GALNTL6: variants seen among roughly 807,000 people sequenced by gnomAD.
GALNTL6 encodes polypeptide N-acetylgalactosaminyltransferase like 6.
In GALNTL6, 46 loss-of-function variants were observed where a neutral mutation model predicts 73.7. The observed-to-expected ratio is 0.62, with a 90% CI of 0.49 to 0.80. The LOEUF is 0.80. Ranked by LOEUF, GALNTL6 falls within the 30% of genes least tolerant of loss-of-function variation. The pLI, the probability that GALNTL6 is intolerant of heterozygous loss-of-function variation, is 0.00. For synonymous variants in GALNTL6, 259 were observed against 263.7 expected, an observed-to-expected ratio of 0.98 and a Z score of 0.17; for missense variants, 604 against 755.0, an observed-to-expected ratio of 0.80 and a Z score of 2.34.
chr4:173,018,729 C>A (rs56301008), intron 11 of GALNTL6, among the ~76,000 whole-genome samples: 5,222 of 152,304 alleles, frequency 0.034, 154 homozygotes, highest in African/African-American at 0.079. Context: ...GAAGGAAATA[C>A]ACAGCCTGGT....
intron 8 of GALNTL6, among the ~76,000 whole-genome samples, chr4:172,911,854 T>C (rs1275611195): frequency 6.6e-6 from 1 of 152,240 alleles, no homozygotes; most frequent in Non-Finnish European, 1.5e-5. Context: ...ATTCCCTGTT[T>C]AATTTTATTT....
At chr4:172,820,481 A>G (rs971162512) in intron 7 of GALNTL6, among the ~76,000 whole-genome samples, 2 of 152,252 alleles carry the variant, frequency 1.3e-5, no homozygotes, top group African/African-American at 4.8e-5. Context: ...AATCAAAATC[A>G]GTAAAGCATG....
At chr4:172,006,007 A>G (rs1354095910) in intron 2 of GALNTL6, among the ~76,000 whole-genome samples, 1 of 152,292 alleles carries the variant, frequency 6.6e-6, no homozygotes, top group Non-Finnish European at 1.5e-5. Flanking sequence ...CTAGTATCAG[A>G]TCTTACATTT....
At chr4:172,893,842 C>T (rs576667689) in intron 8 of GALNTL6, among the ~76,000 whole-genome samples, 1 of 152,310 alleles carries the variant, frequency 6.6e-6, no homozygotes, top group South Asian at 2.1e-4. Context: ...GCAGTTCCCT[C>T]TGCCAATTCA....
At chr4:172,398,318 TAAG>T (rs1345810793) in intron 5 of GALNTL6, among the ~76,000 whole-genome samples, 5 of 152,184 alleles carry the variant, frequency 3.3e-5, no homozygotes, top group Non-Finnish European at 2.9e-5. Context: ...GCTGTCAAAA[TAAG>T]AAGATATGAG....
chr4:172,697,652 G>A (rs1186459584), intron 5 of GALNTL6, among the ~76,000 whole-genome samples: 2 of 152,104 alleles, frequency 1.3e-5, no homozygotes, highest in African/African-American at 2.4e-5. Context: ...TATTGCTCAG[G>A]CTTTCTACAA....
intron 5 of GALNTL6, among the ~76,000 whole-genome samples, chr4:172,477,872 T>C (rs1229255542): frequency 6.6e-6 from 1 of 151,960 alleles, no homozygotes; most frequent in African/African-American, 2.4e-5. Context: ...ATTGGAGAAA[T>C]AGAATATGCA....
chr4:171,963,499 G>T (rs931783728), intron 2 of GALNTL6, among the ~76,000 whole-genome samples: 2 of 152,090 alleles, frequency 1.3e-5, no homozygotes, highest in Non-Finnish European at 2.9e-5. Flanking sequence ...AAGAAATTAG[G>T]TTTAAAAAGT....
At chr4:172,280,544 A>G (rs1739007236) in intron 3 of GALNTL6, among the ~76,000 whole-genome samples, 4 of 151,924 alleles carry the variant, frequency 2.6e-5, no homozygotes, top group Admixed American at 1.3e-4. Flanking sequence ...TGAACCATCC[A>G]GAGTTCAAGA....
intron 5 of GALNTL6, among the ~76,000 whole-genome samples, chr4:172,358,631 T>C (rs558347779): frequency 6.6e-6 from 1 of 152,284 alleles, no homozygotes; most frequent in Non-Finnish European, 1.5e-5. Context: ...GATTGGATGC[T>C]CCTTGTCTGA....
intron 5 of GALNTL6, among the ~76,000 whole-genome samples, chr4:172,755,134 T>TA (rs1737673755): frequency 6.6e-6 from 1 of 152,256 alleles, no homozygotes; most frequent in East Asian, 1.9e-4. Context: ...TTGCAGATTC[T>TA]ACTACATCAT....
chr4:172,305,126 T>C (rs1258619783), intron 3 of GALNTL6, among the ~76,000 whole-genome samples: 1 of 152,098 alleles, frequency 6.6e-6, no homozygotes, highest in African/African-American at 2.4e-5. Flanking sequence ...CAGTGGTGCA[T>C]ATAGTAGACA....
chr4:171,820,852 A>T (rs1256994775), intron 2 of GALNTL6, among the ~76,000 whole-genome samples: 2 of 152,194 alleles, frequency 1.3e-5, no homozygotes, highest in Non-Finnish European at 2.9e-5. Flanking sequence ...ATAAGGGCTA[A>T]GAAGGCCAAT....
chr4:172,600,568 G>A (rs1430186068), intron 5 of GALNTL6, among the ~76,000 whole-genome samples: 2 of 152,142 alleles, frequency 1.3e-5, no homozygotes, highest in Non-Finnish European at 2.9e-5. Context: ...GATTTTGCCC[G>A]ATACTAAGCT....
At chr4:172,082,914 CT>C (rs1731922731) in intron 2 of GALNTL6, among the ~76,000 whole-genome samples, 1 of 151,958 alleles carries the variant, frequency 6.6e-6, no homozygotes, top group African/African-American at 2.4e-5. Context: ...TTTTGAGACC[CT>C]TAATCTCCTC....
chr4:172,662,099 C>T (rs534653610), intron 5 of GALNTL6, among the ~76,000 whole-genome samples: 1 of 152,068 alleles, frequency 6.6e-6, no homozygotes, highest in Non-Finnish European at 1.5e-5. Context: ...TTAATAAGAT[C>T]CCCAGATAAT....
chr4:172,648,560 G>T (rs1332234935), intron 5 of GALNTL6, among the ~76,000 whole-genome samples: 1 of 152,030 alleles, frequency 6.6e-6, no homozygotes, highest in Non-Finnish European at 1.5e-5. Flanking sequence ...CTCATAAATG[G>T]AAGAAACACG....
At chr4:172,224,099 TAACTC>T (rs569360705) in intron 2 of GALNTL6, among the ~76,000 whole-genome samples, 60 of 152,276 alleles carry the variant, frequency 3.9e-4, no homozygotes, top group East Asian at 1.2e-3. Context: ...GCAATGGAAA[TAACTC>T]AACTATCTAT....
At chr4:172,158,215 T>C (rs1380925829) in intron 2 of GALNTL6, among the ~76,000 whole-genome samples, 2 of 152,212 alleles carry the variant, frequency 1.3e-5, no homozygotes, top group African/African-American at 4.8e-5. Flanking sequence ...GATATATAAC[T>C]ATCAAATATT....
Sources: gnomAD v4.1 joint callset for allele counts (sites outside exome capture counted in the v4.1 genomes callset) on GRCh38, gnomAD v4.1.1 for gene constraint, MANE v1.5 for transcripts, NCBI Gene and HGNC (gene_info 2026-07-23, HGNC 2026-07-21) for gene names.